The following CSMD3 variants were observed in gnomAD, a reference collection of about 807,000 sequenced individuals.
The protein encoded by CSMD3 is CUB and sushi domain-containing protein 3.
In CSMD3, 177 loss-of-function variants were observed where a neutral mutation model predicts 435.2. The ratio of observed to expected loss-of-function variants is 0.41; its 90% confidence interval spans 0.36 to 0.46. The LOEUF is 0.46. Ranked by LOEUF, CSMD3 falls within the 20% of genes least tolerant of loss-of-function variation. CSMD3 has a pLI of 0.34. For missense variants in CSMD3, 4,265 were observed against 4,504.6 expected (o/e 0.95, Z 1.52); for synonymous variants, 1,656 against 1,520.5 (o/e 1.09, Z -2.07).
intron 13 of CSMD3, among the ~76,000 whole-genome samples, chr8:112,711,707 A>C (rs1218774749): frequency 6.6e-6 from 1 of 152,110 alleles, no homozygotes; most frequent in African/African-American, 2.4e-5. Flanking sequence ...TCTAAACAAA[A>C]ATACAATTTG....
At chr8:113,348,073 C>T (rs1588568604) in intron 1 of CSMD3, among the ~76,000 whole-genome samples, 1 of 152,136 alleles carries the variant, frequency 6.6e-6, no homozygotes, top group East Asian at 1.9e-4. Flanking sequence ...ACCTCTTACT[C>T]TCTAACCAGA....
At chr8:112,835,980 C>G (rs891681049) in intron 11 of CSMD3, among the ~76,000 whole-genome samples, 1 of 151,828 alleles carries the variant, frequency 6.6e-6, no homozygotes, top group African/African-American at 2.4e-5. Flanking sequence ...ATTCTCTCTT[C>G]TTCTGAGTGG....
At chr8:113,143,418 C>T (rs1268946727) in intron 4 of CSMD3, among the ~76,000 whole-genome samples, 1 of 151,368 alleles carries the variant, frequency 6.6e-6, no homozygotes, top group African/African-American at 2.4e-5. Flanking sequence ...TTGGCAATTG[C>T]TAAAGAAACA....
intron 65 of CSMD3, among the ~76,000 whole-genome samples, chr8:112,244,056 C>T (rs1367825103): frequency 6.6e-6 from 1 of 152,080 alleles, no homozygotes; most frequent in African/African-American, 2.4e-5. Flanking sequence ...GACTTCTGGA[C>T]TTCAGAATTG....
chr8:113,001,680 T>C (rs933561737), intron 6 of CSMD3, among the ~76,000 whole-genome samples: 2 of 152,132 alleles, frequency 1.3e-5, no homozygotes, highest in African/African-American at 2.4e-5. Context: ...TATATGTATA[T>C]ACAGGAAGTC....
chr8:112,917,265 T>C lies in CSMD3; in HGVS notation c.1633+4362A>G, dbSNP rs894093058. On this transcript the variant is annotated intron_variant, in intron 10 of 70. Coordinates refer to ENST00000297405, the MANE Select transcript of CSMD3 (RefSeq NM_198123.2). ...CTGTCCATGAAATGATTAGGGAGCATTGCCAAACAAAATAAAATTAAATGC... is the reference window on the plus strand; with the variant it reads ...CTGTCCATGAAATGATTAGGGAGCACTGCCAAACAAAATAAAATTAAATGC... Among the ~76,000 whole-genome samples the C allele has an allele frequency of 2.6e-5, 4 of 151,894 alleles. No individual in the cohort carries two copies. The East Asian group carries it at 5.8e-4, about 22-fold the overall frequency.
At chr8:112,829,810 G>A (rs10106945) in intron 11 of CSMD3, 21 bp from the exon 12 acceptor site, 1,049,124 of 1,318,574 alleles carry the variant, frequency 0.8, 419,891 homozygotes, top group African/African-American at 0.91. Context: ...ACAGAAACAT[G>A]CACCTTAAAT....
At chr8:112,831,067 G>A (rs987087396) in intron 11 of CSMD3, among the ~76,000 whole-genome samples, 4 of 152,024 alleles carry the variant, frequency 2.6e-5, no homozygotes, top group Admixed American at 1.3e-4. Context: ...GATTACAGGC[G>A]TGAGCCACTG....
intron 4 of CSMD3, among the ~76,000 whole-genome samples, chr8:113,159,187 C>T (rs747400746): frequency 6.6e-6 from 1 of 151,512 alleles, no homozygotes; most frequent in African/African-American, 2.4e-5. Context: ...TAATTACAGT[C>T]GTGTGATTTC....
chr8:112,557,959 T>C (rs1336753388), intron 24 of CSMD3, among the ~76,000 whole-genome samples: 4 of 151,928 alleles, frequency 2.6e-5, no homozygotes, highest in Non-Finnish European at 4.4e-5. Flanking sequence ...TCTTGTCGGA[T>C]TGAGCCCCTA....
chr8:112,900,350 T>G, intron 10 of CSMD3, among the ~76,000 whole-genome samples: 1 of 151,440 alleles, frequency 6.6e-6, no homozygotes, highest in African/African-American at 2.4e-5. Context: ...ATTTAAATTT[T>G]GGAAGATGAG....
chr8:112,838,977 TAATA>T (rs1412130984), intron 11 of CSMD3, among the ~76,000 whole-genome samples: 7 of 151,918 alleles, frequency 4.6e-5, no homozygotes, highest in Non-Finnish European at 7.4e-5. Flanking sequence ...TTAGAGAAAA[TAATA>T]AATATCTCAT....
rs527506543 is a variant in CSMD3 at position 112,535,533 on chromosome 8, A to G, written c.4564+15138T>C. On this transcript the variant is annotated intron_variant, in intron 27 of 70. Coordinates refer to ENST00000297405, the MANE Select transcript of CSMD3 (RefSeq NM_198123.2). The stretch of plus-strand genomic sequence containing the variant: ...AATGAAATAAAAGAGGATACAAACA[A>G]ATGGAAGAACATTCCATGCTCATGG... Among the ~76,000 whole-genome samples, 1,491 of 152,092 alleles carry G rather than the reference A, an allele frequency of 9.8e-3. 21 individuals carry two copies. The highest frequency in any genetic ancestry group is 0.035 in the African/African-American group (1,432 of 41,492).
At chr8:112,452,272 T>A (rs1471404130) in intron 32 of CSMD3, among the ~76,000 whole-genome samples, 2 of 152,218 alleles carry the variant, frequency 1.3e-5, no homozygotes, top group African/African-American at 4.8e-5. Context: ...GTTTATACTA[T>A]GCTGTTGGTG....
intron 1 of CSMD3, among the ~76,000 whole-genome samples, chr8:113,408,552 C>T (rs2094543294): frequency 6.6e-6 from 1 of 151,418 alleles, no homozygotes; most frequent in African/African-American, 2.4e-5. Flanking sequence ...ATTGTCTGAT[C>T]TAAAAAGAAA....
intron 27 of CSMD3, among the ~76,000 whole-genome samples, chr8:112,523,744 A>C (rs1270150364): frequency 1.3e-5 from 2 of 152,080 alleles, no homozygotes; most frequent in East Asian, 3.9e-4. Flanking sequence ...TGCTTTGTAC[A>C]TGATCCATCA....
At chr8:112,317,799 T>C (rs1478284509) in intron 47 of CSMD3, among the ~76,000 whole-genome samples, 2 of 152,054 alleles carry the variant, frequency 1.3e-5, no homozygotes, top group African/African-American at 2.4e-5. Context: ...TTTTATAGTA[T>C]GCTTAAAACC....
chr8:112,887,663 C>T (rs746222193), intron 10 of CSMD3, among the ~76,000 whole-genome samples: 21 of 150,704 alleles, frequency 1.4e-4, no homozygotes, highest in Non-Finnish European at 2.7e-4. Flanking sequence ...ATGGATAGTG[C>T]ATACCACTTT....
chr8:112,373,466 AGTT>A (rs1259631335), intron 38 of CSMD3, among the ~76,000 whole-genome samples: 3 of 150,742 alleles, frequency 2.0e-5, no homozygotes, highest in Non-Finnish European at 2.9e-5. Flanking sequence ...CCCAGTACCC[AGTT>A]GTTTAAGTAT....
Sources: gnomAD v4.1 joint callset for allele counts (sites outside exome capture counted in the v4.1 genomes callset) on GRCh38, gnomAD v4.1.1 for gene constraint, MANE v1.5 for transcripts, NCBI Gene and HGNC (gene_info 2026-07-23, HGNC 2026-07-21) for gene names.